Variants in RAB11A observed in about 807,000 individuals in gnomAD.
The protein encoded by RAB11A is ras-related protein Rab-11A.
A neutral mutation model predicts 28.0 loss-of-function variants in RAB11A; 9 were observed. The ratio of observed to expected loss-of-function variants is 0.32; its 90% CI spans 0.19 to 0.56. The LOEUF is 0.56. Among genes scored for constraint, RAB11A ranks in the 20% least tolerant of loss-of-function variants. The pLI, the probability that RAB11A is intolerant of heterozygous loss-of-function variation, is 0.91. For synonymous variants in RAB11A, 85 were observed against 88.2 expected, an observed-to-expected ratio of 0.96 and a Z score of 0.20; for missense variants, 108 against 269.6, an observed-to-expected ratio of 0.40 and a Z score of 4.20.
intron 4 of RAB11A, among the ~76,000 whole-genome samples, chr15:65,884,542 A>C (rs2078242776): frequency 6.6e-6 from 1 of 152,180 alleles, no homozygotes; most frequent in Non-Finnish European, 1.5e-5. Context: ...TAAATAATTA[A>C]AGAGATCTCA....
At chr15:65,882,896 T>A (rs2078231543) in intron 4 of RAB11A, among the ~76,000 whole-genome samples, 1 of 152,236 alleles carries the variant, frequency 6.6e-6, no homozygotes, top group Non-Finnish European at 1.5e-5. Context: ...TTAAAGAGGT[T>A]GAAATAATAG....
chr15:65,877,657 T>A lies in RAB11A; in HGVS notation c.237-105T>A. The A allele has an allele frequency of 7.6e-7, 1 of 1,317,920 alleles. No individual in the cohort carries two copies. The allele number at this position is 1,317,920 out of a possible 1,614,324, so 81.6% of individuals were successfully genotyped here. ...CTAGTATTAGGAATCCTTAGAAATT[T>A]ATTTATAAGTATGTTTTTAAAACTC... is the stretch of plus-strand genomic sequence containing the variant. On this transcript the variant is annotated intron_variant, in intron 2 of 4. Coordinates refer to ENST00000261890, the MANE Select transcript of RAB11A (RefSeq NM_004663.5). This position sits in a 1 kb window ranked among gnomAD's most constrained non-coding sequence, Gnocchi z 4.1.
chr15:65,879,549 C>T (rs2078209478), intron 3 of RAB11A, 122 bp from the exon 4 acceptor site: 1 of 640,556 alleles, frequency 1.6e-6, no homozygotes, highest in Middle Eastern at 4.4e-4. Flanking sequence ...CCCTTACTGT[C>T]CCAGAAGTTG....
chr15:65,882,396 T>C (rs892852690), intron 4 of RAB11A, among the ~76,000 whole-genome samples: 1 of 152,240 alleles, frequency 6.6e-6, no homozygotes, highest in African/African-American at 2.4e-5. Flanking sequence ...CTACCTTAAA[T>C]GTTAACAGTC....
intron 1 of RAB11A, among the ~76,000 whole-genome samples, chr15:65,871,343 C>G (rs1349368875): frequency 1.3e-5 from 2 of 152,158 alleles, no homozygotes; most frequent in East Asian, 3.8e-4. Flanking sequence ...TTTACAAATA[C>G]AAAACTGAGG....
chr15:65,890,588 C>T lies in RAB11A; in HGVS notation c.*2748C>T, dbSNP rs1195238977. On this transcript the variant is annotated 3_prime_UTR_variant, in exon 5 of 5. Transcript: ENST00000261890. ...AGGGTTCTGCAGAAAAGTTACACTT[C>T]TTGAGTTTGGGTTGCCCATCAGAGC... The T allele has an allele frequency of 6.6e-6, 1 of 152,136 alleles. No homozygotes were observed. Among genetic ancestry groups the T allele is most frequent in the Non-Finnish European group, 1.5e-5 (1 of 68,014 alleles). The allele number at this position is 152,136 out of a possible 1,614,324, so 9.4% of individuals were successfully genotyped here. A position where few individuals can be genotyped will look rare whatever the true frequency, so the allele number is the denominator to read the frequency against.
At chr15:65,869,720 T>A in intron 1 of RAB11A, 95 bp downstream of exon 1, 3 of 1,301,534 alleles carry the variant, frequency 2.3e-6, no homozygotes, top group Non-Finnish European at 3.2e-6. Flanking sequence ...TGCACTGATA[T>A]AGGCCTCCCT....
At position 65,890,799 on chromosome 15, in the gene RAB11A, G is replaced by C. The variant is rs750307361; in HGVS notation, c.*2959G>C. 6.6e-6 allele frequency: 1 copy of C among 152,158 alleles called. No individual in the cohort carries two copies. The highest frequency in any genetic ancestry group is 1.5e-5 in the Non-Finnish European group (1 of 68,036). The allele number at this position is 152,158 out of a possible 1,614,324, so 9.4% of individuals were successfully genotyped here. Reference sequence around the variant, plus strand: ...AACACTAGAAGCAAAAGAATTCAAAGGCTGGGTGGATATTTAAGAACTTAT... The same window carrying C: ...AACACTAGAAGCAAAAGAATTCAAACGCTGGGTGGATATTTAAGAACTTAT... On this transcript the variant is annotated 3_prime_UTR_variant, in exon 5 of 5. Transcript: ENST00000261890.
rs147972734 is a variant in RAB11A, at chr15:65,884,989, T to A, written c.512-2712T>A. Among the ~76,000 whole-genome samples, 504 of 144,036 alleles carry A rather than the reference T, an allele frequency of 3.5e-3. 2 individuals carry two copies. Among genetic ancestry groups the A allele is most frequent in the African/African-American group, 0.013 (489 of 39,026 alleles). 94.5% of individuals were successfully genotyped at this position (144,036 alleles called of 152,430 possible). ...TTTTTTTTTTTTTTTGGAGACAGGG[T>A]CTCACACTGTCCCCAGGCTGGAGTG... is the stretch of plus-strand genomic sequence containing the variant. On this transcript the variant is annotated intron_variant, in intron 4 of 4. Transcript: ENST00000261890.
In RAB11A at chr15:65,869,594, C is replaced by T. The variant is rs1308311227; in HGVS notation, c.9C>T (p.Thr3=). The change falls in exon 1 of 5, where the codon ACC becomes ACT. Residue 3 remains threonine, a synonymous_variant. Coordinates refer to ENST00000261890, the MANE Select transcript of RAB11A (RefSeq NM_004663.5). MG[T]RDDEYDYLFK... ...CGCTCCTCGGCCGCGCAATGGGCAC[C>T]CGCGACGACGAGTACGACTACCTCT... is the stretch of plus-strand genomic sequence containing the variant. 1.2e-6 allele frequency: 2 copies of T among 1,611,466 alleles called. No homozygotes were observed. The highest frequency in any genetic ancestry group is 1.1e-5 in the South Asian group (1 of 91,084).
intron 4 of RAB11A, among the ~76,000 whole-genome samples, chr15:65,882,970 C>T (rs1274902275): frequency 6.6e-6 from 1 of 152,192 alleles, no homozygotes; most frequent in Non-Finnish European, 1.5e-5. Context: ...ACCACATCTG[C>T]TTTGTCCTTT....
intron 4 of RAB11A, among the ~76,000 whole-genome samples, chr15:65,886,604 A>G (rs1249146167): frequency 1.3e-5 from 2 of 152,218 alleles, no homozygotes; most frequent in East Asian, 3.8e-4. Flanking sequence ...CTCTGTTCTT[A>G]AGGACTTTAT....
At position 65,884,627 on chromosome 15, in the gene RAB11A, C is replaced by T. The variant is rs117620019; in HGVS notation, c.512-3074C>T. ...ACTGTTTTTTAGAAATAGATTACTG[C>T]TGCACTTACTCCAGTTACCAAAAAG... is the stretch of plus-strand genomic sequence containing the variant. On this transcript the variant is annotated intron_variant, in intron 4 of 4. Transcript: ENST00000261890. Among the ~76,000 whole-genome samples, 36 of 152,074 alleles carry T rather than the reference C, an allele frequency of 2.4e-4. No homozygotes were observed. The East Asian group carries it at 6.4e-3, about 27-fold the overall frequency.
intron 1 of RAB11A, among the ~76,000 whole-genome samples, chr15:65,872,622 C>T (rs1004091092): frequency 2.6e-5 from 4 of 151,798 alleles, no homozygotes; most frequent in East Asian, 1.9e-4. Context: ...CTAGTAGAGA[C>T]GGGGTTTCTC....
In RAB11A at chr15:65,887,785, A is replaced by G. The variant is rs748693318; in HGVS notation, c.596A>G (p.His199Arg). The change falls in exon 5 of 5, where the codon CAT becomes CGT. Residue 199 changes from histidine (H) to arginine (R), a missense_variant. By Grantham distance (29) the His-to-Arg change is conservative. Coordinates refer to ENST00000261890, the MANE Select transcript of RAB11A (RefSeq NM_004663.5). ...MSPSNNVVPI[H>R]VPPTTENKPK... ...CCAAGCAACAATGTGGTTCCTATTC[A>G]TGTTCCACCAACCACTGAAAACAAG... 1.2e-6 allele frequency: 2 copies of G among 1,613,790 alleles called. No individual in the cohort carries two copies. Among genetic ancestry groups the G allele is most frequent in the East Asian group, 2.2e-5 (1 of 44,834 alleles).
At chr15:65,887,536 A>G (rs1421792018) in intron 4 of RAB11A, among the ~76,000 whole-genome samples, 165 bp from the exon 5 acceptor site, 1 of 152,226 alleles carries the variant, frequency 6.6e-6, no homozygotes, top group Non-Finnish European at 1.5e-5. Context: ...TAAAGGGTTG[A>G]ATCTAATCAG....
At position 65,879,585 on chromosome 15, in the gene RAB11A, C is replaced by A; in HGVS notation, c.431-86C>A. 5 of 1,015,290 alleles carry A rather than the reference C, an allele frequency of 4.9e-6. No individual in the cohort carries two copies. In the South Asian group the frequency reaches 6.2e-5, roughly 13 times the overall value. 62.9% of individuals were successfully genotyped at this position (1,015,290 alleles called of 1,614,324 possible). A position where few individuals can be genotyped will look rare whatever the true frequency, so the allele number is the denominator to read the frequency against. ...AGGAGGTCTTAAGTTTTAAAAAGTT[C>A]TGTTATTTTTCCTTTTGAGGGCTTG... On this transcript the variant is annotated intron_variant, in intron 3 of 4. Transcript: ENST00000261890.
chr15:65,880,091 T>C (rs1423389450), intron 4 of RAB11A, among the ~76,000 whole-genome samples: 1 of 152,210 alleles, frequency 6.6e-6, no homozygotes, highest in African/African-American at 2.4e-5. Flanking sequence ...TATAGAAAGA[T>C]ATAAATGCCC....
chr15:65,870,560 C>G lies in RAB11A; in HGVS notation c.40+935C>G, dbSNP rs576522744. 7.9e-5 allele frequency among the ~76,000 whole-genome samples: 12 copies of G among 152,328 alleles called. No individual in the cohort carries two copies. The East Asian group carries it at 2.3e-3, about 29-fold the overall frequency. On this transcript the variant is annotated intron_variant, in intron 1 of 4. Coordinates refer to ENST00000261890, the MANE Select transcript of RAB11A (RefSeq NM_004663.5). ...GATGGGTGGTGGCTGTTATCCTTGC[C>G]AGACCTGAAGGCCTGGTTCCTGAGC...
Sources: allele counts gnomAD v4.1 joint callset (sites outside exome capture counted in the v4.1 genomes callset), GRCh38; gene constraint gnomAD v4.1.1; non-coding constraint Gnocchi (gnomAD v3.1); transcripts MANE v1.5; gene names NCBI Gene and HGNC (gene_info 2026-07-23, HGNC 2026-07-21).